Variants in LIG4 observed in about 807,000 individuals in gnomAD.
LIG4 encodes DNA joinase.
A neutral mutation model predicts 19.0 loss-of-function variants in LIG4; 13 were observed. That is an observed-to-expected ratio of 0.68 (90% CI 0.44 to 1.09). LIG4 has a LOEUF of 1.09. LIG4 is among the 50% of genes least tolerant of loss of function. The pLI, the probability that LIG4 is intolerant of heterozygous loss-of-function variation, is 0.00. For synonymous variants in LIG4, 361 were observed against 358.2 expected (o/e 1.01, Z -0.09); for missense variants, 1,026 against 1,089.7 (o/e 0.94, Z 0.82).
Position 108,209,513 on chromosome 13 carries a change from C to G in LIG4, c.1756G>C (p.Asp586His), listed in dbSNP as rs753492255. The change falls in exon 3 of 3, where the codon GAT becomes CAT. Residue 586 changes from aspartate to histidine, a missense_variant. By Grantham distance (81) the Asp-to-His change is moderately conservative. This residue lies in a region of LIG4 where 521 missense variants were observed against 515.5 expected (regional missense o/e 1.01). Transcript: ENST00000442234. ...LRFPRIEKIR[D>H]DKEWHECMTL... ...ATGCACTCATGCCACTCCTTGTCAT[C>G]TCTTATCTTTTCAATTCGTGGAAAA... The G allele has an allele frequency of 7.0e-5, 113 of 1,614,030 alleles. No individual in the cohort carries two copies. Among genetic ancestry groups the G allele is most frequent in the Non-Finnish European group, 9.2e-5 (108 of 1,180,038 alleles).
At position 108,208,915 on chromosome 13, in the gene LIG4, T is replaced by C; in HGVS notation, c.2354A>G (p.Asn785Ser). ...KEVFSGIKNS[N>S]EQTPEEMASL... Reference sequence around the variant, plus strand: ...AGCCATTTCTTCAGGAGTCTGCTCGTTAGAATTTTTAATTCCTGAGAATAC... The same window carrying C: ...AGCCATTTCTTCAGGAGTCTGCTCGCTAGAATTTTTAATTCCTGAGAATAC... The change falls in exon 3 of 3, where the codon AAC becomes AGC. Residue 785 changes from asparagine (N) to serine (S), a missense_variant. Physicochemically the swap from Asn to Ser is conservative, Grantham distance 46 (BLOSUM62 1). Transcript: ENST00000442234. 6.2e-7 allele frequency: 1 copy of C among 1,614,198 alleles called. No individual in the cohort carries two copies. The highest frequency in any genetic ancestry group is 8.5e-7 in the Non-Finnish European group (1 of 1,180,030).
At chr13:108,217,301 A>T (rs2139002653), upstream of LIG4, among the ~76,000 whole-genome samples, 1 of 152,344 alleles carries the variant, frequency 6.6e-6, no homozygotes, top group Non-Finnish European at 1.5e-5. Flanking sequence ...GGATCACCAG[A>T]GGTGGGGAGT....
Position 108,209,288 on chromosome 13 carries a change from C to T in LIG4, c.1981G>A (p.Asp661Asn), listed in dbSNP as rs1878305584. Residue 661 changes from aspartate (D) to asparagine (N), a missense_variant, in exon 3 of 3, where the codon GAT becomes AAT. Transcript: ENST00000442234. ...NVNKISNIFEDVEFCVMSGTD... is the reference protein window; with the variant it reads ...NVNKISNIFENVEFCVMSGTD... ...CCACTCATAACACAAAACTCTACAT[C>T]TTCAAATATATTAGAAATTTTGTTA... The T allele has an allele frequency of 1.9e-6, 3 of 1,613,972 alleles. No individual in the cohort carries two copies. Among genetic ancestry groups the T allele is most frequent in the East Asian group, 2.2e-5 (1 of 44,900 alleles).
Position 108,210,384 on chromosome 13 carries a change from T to C in LIG4, c.885A>G (p.Gly295=), listed in dbSNP as rs745904623. 6.2e-7 allele frequency: 1 copy of C among 1,613,806 alleles called. No individual in the cohort carries two copies. Among genetic ancestry groups the C allele is most frequent in the East Asian group, 2.2e-5 (1 of 44,868 alleles). Residue 295 remains glycine, a synonymous_variant, in exon 3 of 3, where the codon GGA becomes GGG. Coordinates refer to ENST00000442234, the MANE Select transcript of LIG4 (RefSeq NM_206937.2). ...GDVYKYFSRN[G]YNYTDQFGAS... is the part of the protein sequence containing the mutation. ...CACCAAACTGATCAGTGTAGTTATA[T>C]CCATTTCGAGAGAAGTATTTATATA... is the stretch of plus-strand genomic sequence containing the variant.
chr13:108,208,361 T>C lies in LIG4; in HGVS notation c.*172A>G, dbSNP rs1158987829. ...TAATTTTTCTTTCTTGGCTTTGGGC[T>C]ATTGTCTTTTCAACCTTAAAAGTTA... On this transcript the variant is annotated 3_prime_UTR_variant, in exon 3 of 3. Transcript: ENST00000442234. 2 of 571,708 alleles carry C rather than the reference T, an allele frequency of 3.5e-6. No homozygotes were observed. Among genetic ancestry groups the C allele is most frequent in the Non-Finnish European group, 6.1e-6 (2 of 326,140 alleles). 35.4% of individuals were successfully genotyped at this position (571,708 alleles called of 1,614,324 possible).
intron 1 of LIG4, among the ~76,000 whole-genome samples, chr13:108,215,091 C>T (rs1311804863): frequency 1.2e-5 from 1 of 82,342 alleles, no homozygotes; most frequent in African/African-American, 5.2e-5. Flanking sequence ...TCTCCACACA[C>T]CCCACACCTG....
chr13:108,217,496 G>T (rs185257427), upstream of LIG4, among the ~76,000 whole-genome samples: 5 of 152,226 alleles, frequency 3.3e-5, no homozygotes, highest in East Asian at 1.9e-4. Flanking sequence ...CTCCAGCCTG[G>T]GAAACAAGAG....
In LIG4 at chr13:108,208,911, C is replaced by T. The variant is rs974853257; in HGVS notation, c.2358G>A (p.Glu786=). The T allele has an allele frequency of 1.9e-6, 3 of 1,614,180 alleles. No homozygotes were observed. Among genetic ancestry groups the T allele is most frequent in the Admixed American group, 1.7e-5 (1 of 60,036 alleles). Residue 786 remains glutamate, a synonymous_variant, in exon 3 of 3, where the codon GAG becomes GAA. Transcript: ENST00000442234. ...GAGAAGCCATTTCTTCAGGAGTCTG[C>T]TCGTTAGAATTTTTAATTCCTGAGA... ...EVFSGIKNSN[E]QTPEEMASLI... is the part of the protein sequence containing the mutation.
rs1878343608 is a variant in LIG4 at position 108,209,459 on chromosome 13, C to T, written c.1810G>A (p.Gly604Arg). The T allele has an allele frequency of 1.9e-6, 3 of 1,614,002 alleles. No individual in the cohort carries two copies. ...MTLDDLEQLRGKASGKLASKH... is the reference protein window; with the variant it reads ...MTLDDLEQLRRKASGKLASKH... ...GATGCGAGCTTACCAGATGCCTTCC[C>T]CCTAAGTTGTTCTAGGTCGTCCAGG... Residue 604 changes from glycine (G) to arginine (R), a missense_variant, in exon 3 of 3, where the codon GGG becomes AGG. Transcript: ENST00000442234.
chr13:108,218,257 G>C (rs1255120297), upstream of LIG4: 1 of 152,296 alleles, frequency 6.6e-6, no homozygotes, highest in Admixed American at 6.5e-5. Context: ...GGGAGTCCTG[G>C]TGCTCGGAGG....
rs762030781 is a variant in LIG4, at chr13:108,211,212, C to A, written c.57G>T (p.Leu19Phe). The A allele has an allele frequency of 6.2e-7, 1 of 1,613,166 alleles. No homozygotes were observed. Reference sequence around the variant, plus strand: ...TCTGTATTCGTTCTAAAGTTGAACACAAATCTGCAAAAGGAACGTGAGATG... The same window carrying A: ...TCTGTATTCGTTCTAAAGTTGAACAAAAATCTGCAAAAGGAACGTGAGATG... ...TVASHVPFAD[L>F]CSTLERIQKS... The change falls in exon 3 of 3, where the codon TTG becomes TTT. Residue 19 changes from leucine (L) to phenylalanine (F), a missense_variant. This residue lies in a region of LIG4 where 493 missense variants were observed against 544.5 expected (regional missense o/e 0.91). Coordinates refer to ENST00000442234, the MANE Select transcript of LIG4 (RefSeq NM_206937.2).
At position 108,210,739 on chromosome 13, in the gene LIG4, T is replaced by A. The variant is rs763320935; in HGVS notation, c.530A>T (p.Gln177Leu). 13 of 1,613,990 alleles carry A rather than the reference T, an allele frequency of 8.1e-6. No individual in the cohort carries two copies. The highest frequency in any genetic ancestry group is 4.4e-5 in the South Asian group (4 of 91,092). ...CCACTTTTGCTCAAGTGCTGAACTCTGAGTTATAAGTTGAAGAAGGCTCTT... is the reference window on the plus strand; with the variant it reads ...CCACTTTTGCTCAAGTGCTGAACTCAGAGTTATAAGTTGAAGAAGGCTCTT... ...IKKSLLQLITQSSALEQKWLI... is the reference protein window; with the variant it reads ...IKKSLLQLITLSSALEQKWLI... The change falls in exon 3 of 3, where the codon CAG becomes CTG. Residue 177 changes from glutamine (Q) to leucine (L), a missense_variant. By Grantham distance (113) the Gln-to-Leu change is moderately radical. Around this residue, in one of 3 missense-constraint regions of LIG4, gnomAD observed 493 missense variants for 544.5 expected, o/e 0.91. Coordinates refer to ENST00000442234, the MANE Select transcript of LIG4 (RefSeq NM_206937.2).
At position 108,210,208 on chromosome 13, in the gene LIG4, A is replaced by G. The variant is rs780950741; in HGVS notation, c.1061T>C (p.Met354Thr). The change falls in exon 3 of 3, where the codon ATG becomes ACG. Residue 354 changes from methionine (M) to threonine (T), a missense_variant. This residue lies in a region of LIG4 where 493 missense variants were observed against 544.5 expected (regional missense o/e 0.91). Transcript: ENST00000442234. ...QKGTKFDIKR[M>T]VEDSDLQTCY... The stretch of plus-strand genomic sequence containing the variant: ...AGTTTGCAGATCAGAATCCTCTACC[A>G]TTCTTTTAATATCAAACTTAGTTCC... The G allele has an allele frequency of 1.6e-5, 26 of 1,613,528 alleles. No homozygotes were observed. The highest frequency in any genetic ancestry group is 2.2e-5 in the Non-Finnish European group (26 of 1,179,748).
Position 108,208,316 on chromosome 13 carries a change from A to G in LIG4, c.*217T>C. ...TATTTCACCTTGATCATAAAAAATC[A>G]TTGAATACTACATTCAAGATAATTT... On this transcript the variant is annotated 3_prime_UTR_variant, in exon 3 of 3. Coordinates refer to ENST00000442234, the MANE Select transcript of LIG4 (RefSeq NM_206937.2). The G allele has an allele frequency of 2.1e-6, 1 of 466,750 alleles. No homozygotes were observed. Among genetic ancestry groups the G allele is most frequent in the South Asian group, 2.5e-5 (1 of 39,478 alleles). 28.9% of individuals were successfully genotyped at this position (466,750 alleles called of 1,614,324 possible).
rs1878260594 is a variant in LIG4, at chr13:108,209,014, T to C, written c.2255A>G (p.Glu752Gly). The C allele has an allele frequency of 6.2e-7, 1 of 1,614,134 alleles. No homozygotes were observed. The change falls in exon 3 of 3, where the codon GAA becomes GGA. Residue 752 changes from glutamate to glycine, a missense_variant. Glu to Gly is a moderately conservative substitution (Grantham distance 98). This residue lies in a region of LIG4 where 521 missense variants were observed against 515.5 expected (regional missense o/e 1.01). Transcript: ENST00000442234. Reference sequence around the variant, plus strand: ...GCAATCATATTCACGGGCAAAATGTTCTTTGGTTGATGGGCACATATGAAT... The same window carrying C: ...GCAATCATATTCACGGGCAAAATGTCCTTTGGTTGATGGGCACATATGAAT... ...FMIHMCPSTKEHFAREYDCYG... is the reference protein window; with the variant it reads ...FMIHMCPSTKGHFAREYDCYG...
chr13:108,214,236 TC>T (rs754332493), intron 2 of LIG4, among the ~76,000 whole-genome samples: 1 of 152,152 alleles, frequency 6.6e-6, no homozygotes, highest in Non-Finnish European at 1.5e-5. Flanking sequence ...AAGCTGTGTT[TC>T]CCTAGGAAAC....
intron 2 of LIG4, among the ~76,000 whole-genome samples, chr13:108,212,570 C>T (rs1180520812): frequency 2.6e-5 from 4 of 152,054 alleles, no homozygotes; most frequent in Non-Finnish European, 4.4e-5. Flanking sequence ...CAGACCCCTC[C>T]TGGCACACCA....
rs957569908 is a variant in LIG4 at position 108,209,234 on chromosome 13, C to G, written c.2035G>C (p.Glu679Gln). ...GTDSQPKPDLENRIAEFGGYI... is the reference protein window; with the variant it reads ...GTDSQPKPDLQNRIAEFGGYI... ...CCACCAAATTCTGCAATTCTGTTCT[C>G]CAGGTCAGGCTTTGGCTGGCTATCT... Residue 679 changes from glutamate (E) to glutamine (Q), a missense_variant, in exon 3 of 3, where the codon GAG becomes CAG. Transcript: ENST00000442234. 8 of 1,614,028 alleles carry G rather than the reference C, an allele frequency of 5.0e-6. No homozygotes were observed. The highest frequency in any genetic ancestry group is 6.8e-6 in the Non-Finnish European group (8 of 1,180,016).
Position 108,210,769 on chromosome 13 carries a change from A to C in LIG4, c.500T>G (p.Ile167Arg), listed in dbSNP as rs138021217. 226 of 1,613,876 alleles carry C rather than the reference A, an allele frequency of 1.4e-4. No individual in the cohort carries two copies. The highest frequency in any genetic ancestry group is 5.0e-5 in the Admixed American group (3 of 59,982). Residue 167 changes from isoleucine (I) to arginine (R), a missense_variant, in exon 3 of 3, where the codon ATA becomes AGA. By Grantham distance (97) the Ile-to-Arg change is moderately conservative. Around this residue, in one of 3 missense-constraint regions of LIG4, gnomAD observed 493 missense variants for 544.5 expected, o/e 0.91. Coordinates refer to ENST00000442234, the MANE Select transcript of LIG4 (RefSeq NM_206937.2). ...TATAAGTTGAAGAAGGCTCTTTTTT[A>C]TTAGGTCTTTTCTTTTAGCAGAATT... ...SNNSAKRKDL[I>R]KKSLLQLITQ...
Sources: gnomAD v4.1 joint callset for allele counts (sites outside exome capture counted in the v4.1 genomes callset) on GRCh38, gnomAD v4.1.1 for gene constraint, gnomAD v4.1.1 regional missense constraint, MANE v1.5 for transcripts, NCBI Gene and HGNC (gene_info 2026-07-23, HGNC 2026-07-21) for gene names.